Variants in PXDN observed in about 807,000 individuals in gnomAD.
PXDN encodes the protein peroxidasin homolog.
A neutral mutation model predicts 140.3 loss-of-function variants in PXDN; 77 were observed. The observed-to-expected ratio is 0.55, with a 90% CI of 0.46 to 0.66. The LOEUF (loss-of-function observed/expected upper bound fraction) is 0.66, where lower values mean the gene tolerates loss of function less well. Ranked by LOEUF, PXDN falls within the 30% of genes least tolerant of loss-of-function variation. PXDN has a pLI of 0.00. For missense variants in PXDN, 1,838 were observed against 2,039.5 expected (o/e 0.90, Z 1.90); for synonymous variants, 911 against 857.4 (o/e 1.06, Z -1.09).
chr2:1,687,202 A>T lies in PXDN; in HGVS notation c.416+430T>A, dbSNP rs373196327. ...TGAAGAAATTCAGCTTCATGTGTTC[A>T]CAGTCATAAGGAGGAACAGTGAACG... On this transcript the variant is annotated intron_variant, in intron 4 of 22. Coordinates refer to ENST00000252804, the MANE Select transcript of PXDN (RefSeq NM_012293.3). The surrounding 1 kb of genome is among the most constrained non-coding windows in gnomAD (Gnocchi z 4.0). Among the ~76,000 whole-genome samples the T allele has an allele frequency of 2.8e-4, 43 of 152,382 alleles. No homozygotes were observed. The East Asian group carries it at 6.2e-3, about 22-fold the overall frequency.
At chr2:1,655,087 T>C (rs769605699) in intron 14 of PXDN, among the ~76,000 whole-genome samples, 7 of 147,796 alleles carry the variant, frequency 4.7e-5, no homozygotes, top group Non-Finnish European at 7.5e-5. Context: ...ACCACCTACA[T>C]AGAACATTAT....
At chr2:1,657,825 T>A (rs1453302925) in intron 14 of PXDN, among the ~76,000 whole-genome samples, 3 of 111,324 alleles carry the variant, frequency 2.7e-5, no homozygotes, top group Admixed American at 1.8e-4. Context: ...TGACAGGCAC[T>A]TGCACCCTCC....
intron 1 of PXDN, among the ~76,000 whole-genome samples, chr2:1,725,739 C>A (rs1264131917): frequency 5.3e-5 from 8 of 152,038 alleles, no homozygotes; most frequent in Non-Finnish European, 1.2e-4. Context: ...AAGAAAAAAA[C>A]AAACAACCCC....
At chr2:1,654,128 A>G (rs1683075775) in intron 15 of PXDN, 1 of 497,804 alleles carries the variant, frequency 2.0e-6, no homozygotes, top group Non-Finnish European at 3.5e-6. Context: ...TCATTTAGTC[A>G]TAAGCCAAAG....
At chr2:1,670,984 G>A (rs1458934906) in intron 9 of PXDN, among the ~76,000 whole-genome samples, 5 of 152,266 alleles carry the variant, frequency 3.3e-5, no homozygotes, top group Non-Finnish European at 5.9e-5. Flanking sequence ...GGTGATCCCC[G>A]ACAGAAGAGC....
rs1285329174 is a variant in PXDN, at chr2:1,666,339, AC to A, written c.1165del (p.Val389Ter). The A allele has an allele frequency of 1.2e-6, 2 of 1,613,878 alleles. No homozygotes were observed. The highest frequency in any genetic ancestry group is 1.7e-6 in the Non-Finnish European group (2 of 1,179,906). On this transcript the variant is annotated frameshift_variant, in exon 10 of 23. Transcript: ENST00000252804. LOFTEE classifies it high-confidence loss of function. ...DRTPLPVDPR[V>X]NITPSGGLYI... ...AAGCCCGCCAGAAGGCGTGATGTTC[AC>A]CCGCGGGTCAACTGGCAAGGGTGTG...
chr2:1,658,611 A>C (rs1271179209), intron 14 of PXDN, among the ~76,000 whole-genome samples: 3 of 151,470 alleles, frequency 2.0e-5, no homozygotes, highest in Admixed American at 6.6e-5. Context: ...AGCCCAAGCC[A>C]AATCTTAGGA....
chr2:1,719,952 C>CAG, intron 1 of PXDN, among the ~76,000 whole-genome samples: 4 of 23,604 alleles, frequency 1.7e-4, no homozygotes, highest in Non-Finnish European at 3.1e-4. Flanking sequence ...GGGAGGGATG[C>CAG]AGAGAGAGGG....
chr2:1,709,889 G>C (rs559962904), intron 1 of PXDN, among the ~76,000 whole-genome samples: 4 of 152,284 alleles, frequency 2.6e-5, no homozygotes, highest in African/African-American at 9.6e-5. Flanking sequence ...AACTCTGCTG[G>C]CATCTTTGAT....
intron 6 of PXDN, among the ~76,000 whole-genome samples, chr2:1,683,391 G>T (rs1299233625): frequency 1.2e-5 from 1 of 82,562 alleles, no homozygotes; most frequent in Admixed American, 1.3e-4. Context: ...ACTCCAGCCT[G>T]GGCAACAGAG....
intron 1 of PXDN, among the ~76,000 whole-genome samples, chr2:1,716,576 G>A (rs1441255587): frequency 9.2e-5 from 14 of 151,992 alleles, no homozygotes; most frequent in South Asian, 2.1e-4. Flanking sequence ...GGGAGGTGGC[G>A]GGCAGGCTGG....
chr2:1,713,537 A>G (rs1684830273), intron 1 of PXDN, among the ~76,000 whole-genome samples: 1 of 152,144 alleles, frequency 6.6e-6, no homozygotes, highest in African/African-American at 2.4e-5. Context: ...CTGACAGGAG[A>G]GCCCTGGGGG....
Position 1,660,746 on chromosome 2 carries a change from A to G in PXDN, c.1837+135T>C. The stretch of plus-strand genomic sequence containing the variant: ...GGCCATGCATCAGGAGAGTGTCCCC[A>G]CCTGGGAATCAAGGGTGCTTTGTCT... On this transcript the variant is annotated intron_variant, in intron 14 of 22. Coordinates refer to ENST00000252804, the MANE Select transcript of PXDN (RefSeq NM_012293.3). This position sits in a 1 kb window ranked among gnomAD's most constrained non-coding sequence, Gnocchi z 4.6. The G allele has an allele frequency of 8.4e-7, 1 of 1,186,072 alleles. No individual in the cohort carries two copies. Among genetic ancestry groups the G allele is most frequent in the Non-Finnish European group, 1.1e-6 (1 of 870,804 alleles). The allele number at this position is 1,186,072 out of a possible 1,614,324, so 73.5% of individuals were successfully genotyped here. A position where few individuals can be genotyped will look rare whatever the true frequency, so the allele number is the denominator to read the frequency against.
At chr2:1,725,614 A>G (rs1353021998) in intron 1 of PXDN, among the ~76,000 whole-genome samples, 4 of 152,200 alleles carry the variant, frequency 2.6e-5, no homozygotes, top group Non-Finnish European at 5.9e-5. Context: ...GCATAGCAAA[A>G]CAAACTACCA....
chr2:1,648,403 C>T lies in PXDN; in HGVS notation c.3377G>A (p.Gly1126Glu), dbSNP rs1225799529. The change falls in exon 17 of 23, where the codon GGG becomes GAG. Residue 1126 changes from glycine (G) to glutamate (E), a missense_variant. By Grantham distance (98) the Gly-to-Glu change is moderately conservative. Coordinates refer to ENST00000252804, the MANE Select transcript of PXDN (RefSeq NM_012293.3). This position sits in a 1 kb window ranked among gnomAD's most constrained non-coding sequence, Gnocchi z 8.9. ...PLLRGLFGVA[G>E]KMRVPSQLLN... ...CAGCTGCGAGGGCACACGCATTTTC[C>T]CCGCCACCCCGAACAGCCCCCTGAG... 1.2e-6 allele frequency: 2 copies of T among 1,612,114 alleles called. No individual in the cohort carries two copies. The highest frequency in any genetic ancestry group is 1.1e-5 in the South Asian group (1 of 91,074).
At chr2:1,665,762 G>A (rs2125427614) in intron 10 of PXDN, among the ~76,000 whole-genome samples, 1 of 152,336 alleles carries the variant, frequency 6.6e-6, no homozygotes, top group African/African-American at 2.4e-5. Flanking sequence ...TCATTTTACA[G>A]TCAATTAAGC....
At chr2:1,692,417 C>T (rs559302153) in intron 2 of PXDN, 15 of 448,524 alleles carry the variant, frequency 3.3e-5, no homozygotes, top group Admixed American at 2.2e-4. Flanking sequence ...GTGCTCCATT[C>T]GAGCGCACAG....
intron 1 of PXDN, among the ~76,000 whole-genome samples, chr2:1,719,107 G>A (rs562688025): frequency 2.2e-4 from 33 of 152,358 alleles, no homozygotes; most frequent in African/African-American, 7.7e-4. Context: ...TGGCTCCTTA[G>A]ACGAGCGAGC....
rs1447421417 is a variant in PXDN, at chr2:1,639,386, T to C, written c.3989A>G (p.Tyr1330Cys). 1.9e-6 allele frequency: 3 copies of C among 1,613,988 alleles called. No homozygotes were observed. Among genetic ancestry groups the C allele is most frequent in the African/African-American group, 1.3e-5 (1 of 75,044 alleles). ...RTRGQFNAFSYHFRGRRSLEF... is the reference protein window; with the variant it reads ...RTRGQFNAFSCHFRGRRSLEF... ...AAGAGACCGTCTGCCTCGGAAATGA[T>C]AGGAAAAGGCATTGAACTGCCCCCT... is the stretch of plus-strand genomic sequence containing the variant. Residue 1330 changes from tyrosine (Y) to cysteine (C), a missense_variant, in exon 20 of 23, where the codon TAT (tyrosine) becomes TGT (cysteine). By Grantham distance (194) the Tyr-to-Cys change is radical. This residue lies in a region of PXDN where 850 missense variants were observed against 894.1 expected (regional missense o/e 0.95). Coordinates refer to ENST00000252804, the MANE Select transcript of PXDN (RefSeq NM_012293.3). The surrounding 1 kb of genome is among the most constrained non-coding windows in gnomAD (Gnocchi z 5.0).
Sources: allele counts gnomAD v4.1 joint callset (sites outside exome capture counted in the v4.1 genomes callset), GRCh38; gene constraint gnomAD v4.1.1; regional missense constraint gnomAD v4.1.1; non-coding constraint Gnocchi (gnomAD v3.1); transcripts MANE v1.5; gene names NCBI Gene and HGNC (gene_info 2026-07-23, HGNC 2026-07-21).